Variants in CCAR2 observed in about 807,000 individuals in gnomAD.
CCAR2 encodes cell cycle and apoptosis regulator 2.
Under a neutral mutation model 108.1 loss-of-function variants are expected in CCAR2, and 21 were observed. The ratio of observed to expected loss-of-function variants is 0.19; its 90% CI spans 0.14 to 0.28. The LOEUF is 0.28. Ranked by LOEUF, CCAR2 falls within the 10% of genes least tolerant of loss-of-function variation. The pLI, the probability that CCAR2 is intolerant of heterozygous loss-of-function variation, is 1.00. For synonymous variants in CCAR2, 577 were observed against 472.8 expected, an observed-to-expected ratio of 1.22 and a Z score of -2.86; for missense variants, 1,126 against 1,177.0, an observed-to-expected ratio of 0.96 and a Z score of 0.63.
At chr8:22,612,238 C>T (rs974757906) in intron 7 of CCAR2, among the ~76,000 whole-genome samples, 5 of 151,970 alleles carry the variant, frequency 3.3e-5, no homozygotes, top group African/African-American at 2.4e-5. Flanking sequence ...TGAGCCACCG[C>T]GCCCAGCCTT....
At chr8:22,605,982 G>T in intron 2 of CCAR2, 103 bp from the exon 3 acceptor site, 1 of 1,260,322 alleles carries the variant, frequency 7.9e-7, no homozygotes. Flanking sequence ...CTCTGTGGAG[G>T]AGCTGGCTGG....
At chr8:22,610,787 G>A (rs910915376) in intron 7 of CCAR2, among the ~76,000 whole-genome samples, 28 of 152,200 alleles carry the variant, frequency 1.8e-4, no homozygotes, top group Non-Finnish European at 2.9e-5. Flanking sequence ...AGAACCTTCT[G>A]GTGAATACAA....
rs199766031 is a variant in CCAR2 at position 22,605,220 on chromosome 8, C to T, written c.-39+378C>T. 11 of 183,574 alleles carry T rather than the reference C, an allele frequency of 6.0e-5. No homozygotes were observed. The South Asian group carries it at 9.1e-4, about 15-fold the overall frequency. 11.4% of individuals were successfully genotyped at this position (183,574 alleles called of 1,614,324 possible). ...CCGGTCGAGGAAACAACGGGTCGGG[C>T]TTCCGGGGAGAGGGCCCACACAGTC... On this transcript the variant is annotated intron_variant, in intron 1 of 20. Coordinates refer to ENST00000308511, the MANE Select transcript of CCAR2 (RefSeq NM_001393997.1).
chr8:22,615,112 C>T, intron 11 of CCAR2, 111 bp downstream of exon 11: 1 of 1,339,528 alleles, frequency 7.5e-7, no homozygotes. Flanking sequence ...GCCCCCTAGT[C>T]CCGTTCCTTC....
intron 12 of CCAR2, 42 bp from the exon 13 acceptor site, chr8:22,615,640 A>C (rs1801471402): frequency 1.2e-6 from 2 of 1,613,674 alleles, no homozygotes; most frequent in Non-Finnish European, 1.7e-6. Flanking sequence ...TAGGTGGCCT[A>C]ATCCCGGGAC....
rs781392270 is a variant in CCAR2, at chr8:22,618,345, G to A, written c.2074-4G>A. 3 of 1,614,030 alleles carry A rather than the reference G, an allele frequency of 1.9e-6. 1 individual carries two copies. Among genetic ancestry groups the A allele is most frequent in the South Asian group, 2.2e-5 (2 of 91,094 alleles). ...AATCCTGCTCATCTTTGTTTTCTTT[G>A]CAGCCCAAGGAGCTGGATCCCTCTG... On this transcript the variant is annotated splice_region_variant and splice_polypyrimidine_tract_variant and intron_variant, in intron 16 of 20. Coordinates refer to ENST00000308511, the MANE Select transcript of CCAR2 (RefSeq NM_001393997.1).
intron 7 of CCAR2, among the ~76,000 whole-genome samples, chr8:22,608,605 C>G (rs1801166913): frequency 1.3e-5 from 2 of 152,098 alleles, no homozygotes; most frequent in African/African-American, 4.8e-5. Context: ...CTGATTTGGG[C>G]CTTTAGGGTA....
chr8:22,616,795 G>C (rs143969257), intron 14 of CCAR2: 2 of 150,744 alleles, frequency 1.3e-5, no homozygotes, highest in Non-Finnish European at 2.9e-5. Context: ...CAGCCTGGGC[G>C]AGAGAGTAAG....
chr8:22,619,653 G>GAGAA lies in CCAR2; in HGVS notation c.2744_2747dup (p.Glu918GlyfsTer6). 1 of 1,575,340 alleles carries GAGAA rather than the reference G, an allele frequency of 6.3e-7. No homozygotes were observed. Among genetic ancestry groups the GAGAA allele is most frequent in the Non-Finnish European group, 8.6e-7 (1 of 1,159,966 alleles). Reference sequence around the variant, plus strand: ...TTTCAAACAGGCTGACAGCTGGGTGGAGAAGGAGGAGCCGGCACCTAGCAA... The same window carrying GAGAA: ...TTTCAAACAGGCTGACAGCTGGGTGGAGAAAGAAGGAGGAGCCGGCACCTAGCAA... On this transcript the variant is annotated frameshift_variant, in exon 21 of 21. Coordinates refer to ENST00000308511, the MANE Select transcript of CCAR2 (RefSeq NM_001393997.1). LOFTEE classifies it high-confidence loss of function.
chr8:22,612,694 A>G (rs1349705298), intron 7 of CCAR2: 1 of 194,534 alleles, frequency 5.1e-6, no homozygotes, highest in Non-Finnish European at 1.0e-5. Flanking sequence ...AAAAATAGAA[A>G]ATTATTCGTA....
intron 3 of CCAR2, 50 bp downstream of exon 3, chr8:22,606,226 A>G: frequency 7.3e-7 from 1 of 1,367,676 alleles, no homozygotes; most frequent in Non-Finnish European, 1.0e-6. Flanking sequence ...GACTGAATGC[A>G]TGGAGGCCTG....
At chr8:22,612,963 T>C in intron 7 of CCAR2, 54 bp from the exon 8 acceptor site, 6 of 1,547,218 alleles carry the variant, frequency 3.9e-6, no homozygotes, top group South Asian at 2.4e-5. Context: ...TCAGTTTGTA[T>C]TGAATACATA....
In CCAR2 at chr8:22,615,747, C is replaced by T. The variant is rs151294361; in HGVS notation, c.1443C>T (p.Asn481=). The change falls in exon 13 of 21, where the codon AAC becomes AAT. Residue 481 remains asparagine, a synonymous_variant. Transcript: ENST00000308511. The stretch of plus-strand genomic sequence containing the variant: ...AAGCAGCAGACACTTCTAGACGGAA[C>T]GCAGAAACTCCAGAGGCCACCACAC... ...LEQAADTSRR[N]AETPEATTQQ... is the part of the protein sequence containing the mutation. The T allele has an allele frequency of 8.8e-4, 1,420 of 1,613,804 alleles. 1 individual carries two copies. Among genetic ancestry groups the T allele is most frequent in the South Asian group, 1.4e-3 (130 of 91,086 alleles).
intron 14 of CCAR2, 129 bp downstream of exon 14, chr8:22,616,377 C>T (rs1801510034): frequency 6.0e-6 from 5 of 831,410 alleles, no homozygotes; most frequent in African/African-American, 3.4e-5. Flanking sequence ...TGGACTGAGG[C>T]CGCACAGCTA....
intron 1 of CCAR2, 54 bp from the exon 2 acceptor site, chr8:22,605,682 T>A (rs984725411): frequency 1.4e-5 from 15 of 1,063,966 alleles, no homozygotes; most frequent in Non-Finnish European, 2.0e-5. Context: ...CTTTTCCGGG[T>A]ATAGATGGAA....
chr8:22,608,967 G>C (rs115807491), intron 7 of CCAR2, among the ~76,000 whole-genome samples: 1 of 151,936 alleles, frequency 6.6e-6, no homozygotes, highest in Admixed American at 6.6e-5. Context: ...AAATTTTAAC[G>C]TGGAACTTAT....
rs1329713595 is a variant in CCAR2, at chr8:22,619,909, CT to C, written c.*231del. ...TCCACTTAACAACTAAATACAACAT[CT>C]TTTGCACCCCTAGAATGTCATTTTG... On this transcript the variant is annotated 3_prime_UTR_variant, in exon 21 of 21. Transcript: ENST00000308511. 1 of 576,732 alleles carries C rather than the reference CT, an allele frequency of 1.7e-6. No individual in the cohort carries two copies. The highest frequency in any genetic ancestry group is 3.1e-6 in the Non-Finnish European group (1 of 321,560). The allele number at this position is 576,732 out of a possible 1,614,324, so 35.7% of individuals were successfully genotyped here.
chr8:22,607,081 C>T (rs1801106233), intron 5 of CCAR2, 57 bp downstream of exon 5: 11 of 1,608,336 alleles, frequency 6.8e-6, no homozygotes, highest in Non-Finnish European at 9.4e-6. Context: ...AGCCCCTGTG[C>T]CCTGACAGCT....
rs1164799232 is a variant in CCAR2 at position 22,615,673 on chromosome 8, T to C, written c.1378-9T>C. The C allele has an allele frequency of 1.2e-6, 2 of 1,613,730 alleles. No homozygotes were observed. Among genetic ancestry groups the C allele is most frequent in the Non-Finnish European group, 1.7e-6 (2 of 1,179,976 alleles). ...GACCCAGAGGGTCTCATTTCAGCTG[T>C]TGTCACAGGAAACGGAGCCTACTGA... is the stretch of plus-strand genomic sequence containing the variant. On this transcript the variant is annotated splice_polypyrimidine_tract_variant and intron_variant, in intron 12 of 20. Transcript: ENST00000308511.
Sources: gnomAD v4.1 joint callset for allele counts (sites outside exome capture counted in the v4.1 genomes callset) on GRCh38, gnomAD v4.1.1 for gene constraint, MANE v1.5 for transcripts, NCBI Gene and HGNC (gene_info 2026-07-23, HGNC 2026-07-21) for gene names.